CNTNAP2: variants seen among roughly 807,000 people sequenced by gnomAD.
The protein encoded by CNTNAP2 is contactin-associated protein-like 2.
In CNTNAP2, 98 loss-of-function variants were observed where a neutral mutation model predicts 155.2. That is an observed-to-expected ratio of 0.63 (90% CI 0.54 to 0.75). The LOEUF is 0.75. Ranked by LOEUF, CNTNAP2 falls within the 30% of genes least tolerant of loss-of-function variation. The pLI is 0.00. For synonymous variants in CNTNAP2, 651 were observed against 631.2 expected (o/e 1.03, Z -0.47); for missense variants, 1,727 against 1,688.1 (o/e 1.02, Z -0.40).
At chr7:146,721,575 A>T (rs1020493241) in intron 1 of CNTNAP2, among the ~76,000 whole-genome samples, 2 of 111,374 alleles carry the variant, frequency 1.8e-5, no homozygotes, top group Admixed American at 9.4e-5. Context: ...TATATATTCT[A>T]TATACATTCT....
In CNTNAP2 at chr7:146,486,812, G is replaced by T. The variant is rs1797065498; in HGVS notation, c.98-287459G>T. On this transcript the variant is annotated intron_variant, in intron 1 of 23. Transcript: ENST00000361727. ...TGCCTCAAGCCTGAAAGAATCGAAA[G>T]GTTCCTGTCTCATTTTTTCACATCT... 2.6e-5 allele frequency among the ~76,000 whole-genome samples: 4 copies of T among 152,124 alleles called. No homozygotes were observed. In the South Asian group the frequency reaches 8.3e-4, roughly 32 times the overall value.
chr7:146,393,221 G>A (rs1306394670), intron 1 of CNTNAP2, among the ~76,000 whole-genome samples: 1 of 152,140 alleles, frequency 6.6e-6, no homozygotes, highest in African/African-American at 2.4e-5. Context: ...TTCTACTGAA[G>A]TGTTTTTCCA....
At chr7:148,287,773 C>CTCTT (rs1797107843) in intron 21 of CNTNAP2, among the ~76,000 whole-genome samples, 3 of 146,912 alleles carry the variant, frequency 2.0e-5, no homozygotes, top group South Asian at 2.2e-4. Flanking sequence ...GTCTCTCTTC[C>CTCTT]TCTTTCTTTC....
intron 10 of CNTNAP2, among the ~76,000 whole-genome samples, chr7:147,431,637 G>A (rs1017902942): frequency 4.6e-5 from 7 of 152,084 alleles, no homozygotes; most frequent in African/African-American, 1.2e-4. Context: ...ACTAATGACC[G>A]CCATGTCTCT....
At chr7:146,667,003 A>AT (rs1308101607) in intron 1 of CNTNAP2, among the ~76,000 whole-genome samples, 1 of 151,802 alleles carries the variant, frequency 6.6e-6, no homozygotes, top group African/African-American at 2.4e-5. Flanking sequence ...CCATTTGTTT[A>AT]TTTTTGCTTT....
chr7:146,816,116 A>G (rs1214551245), intron 2 of CNTNAP2, among the ~76,000 whole-genome samples: 3 of 152,184 alleles, frequency 2.0e-5, no homozygotes, highest in African/African-American at 7.2e-5. Context: ...GCTGCATAGT[A>G]TTCCATGGTG....
At chr7:146,168,140 G>A (rs1195466163) in intron 1 of CNTNAP2, among the ~76,000 whole-genome samples, 1 of 152,088 alleles carries the variant, frequency 6.6e-6, no homozygotes, top group Non-Finnish European at 1.5e-5. Flanking sequence ...GATTGAGGGT[G>A]GGTCTGCCTA....
At chr7:147,316,647 T>C (rs777695090) in intron 9 of CNTNAP2, among the ~76,000 whole-genome samples, 12 of 152,280 alleles carry the variant, frequency 7.9e-5, no homozygotes, top group Non-Finnish European at 1.5e-4. Context: ...TTTTGATTCA[T>C]ATACTTTTGA....
At chr7:147,825,912 G>A (rs1262114977) in intron 13 of CNTNAP2, among the ~76,000 whole-genome samples, 1 of 152,134 alleles carries the variant, frequency 6.6e-6, no homozygotes, top group Middle Eastern at 3.2e-3. Flanking sequence ...ATAAGAAAAA[G>A]GGCAAAGTTT....
chr7:146,300,333 A>G (rs796518327), intron 1 of CNTNAP2, among the ~76,000 whole-genome samples: 42 of 151,572 alleles, frequency 2.8e-4, no homozygotes, highest in African/African-American at 9.4e-4. Context: ...AATATTGCAC[A>G]CTTTTTATGT....
intron 20 of CNTNAP2, among the ~76,000 whole-genome samples, chr7:148,245,858 C>A (rs1796252901): frequency 6.6e-6 from 1 of 152,116 alleles, no homozygotes; most frequent in Non-Finnish European, 1.5e-5. Flanking sequence ...AGCGAATGTC[C>A]ATCATCTCCC....
intron 12 of CNTNAP2, chr7:147,638,775 A>C (rs1795224270): frequency 4.5e-6 from 2 of 441,168 alleles, no homozygotes; most frequent in Middle Eastern, 3.4e-4. Context: ...AGTCAGCAAG[A>C]AGTTGGGACA....
At chr7:148,364,891 A>G (rs1223199536) in intron 21 of CNTNAP2, among the ~76,000 whole-genome samples, 1 of 152,180 alleles carries the variant, frequency 6.6e-6, no homozygotes. Flanking sequence ...CTTTGGGTCC[A>G]CGCTGCTTTT....
At chr7:146,835,920 G>T (rs1803607601) in intron 2 of CNTNAP2, among the ~76,000 whole-genome samples, 2 of 152,266 alleles carry the variant, frequency 1.3e-5, no homozygotes, top group East Asian at 3.9e-4. Context: ...GTTGGGGCAG[G>T]GTACTGGCTT....
At chr7:146,933,335 G>C (rs553327387) in intron 3 of CNTNAP2, among the ~76,000 whole-genome samples, 2 of 151,982 alleles carry the variant, frequency 1.3e-5, no homozygotes, top group Admixed American at 1.3e-4. Flanking sequence ...CAGGCAATGG[G>C]GAAAGGATTC....
chr7:147,382,656 T>C (rs922990495), intron 9 of CNTNAP2, among the ~76,000 whole-genome samples: 10 of 152,010 alleles, frequency 6.6e-5, no homozygotes, highest in African/African-American at 1.9e-4. Context: ...CATCCTCCCA[T>C]AGTTGGTAGT....
intron 1 of CNTNAP2, among the ~76,000 whole-genome samples, chr7:146,399,288 G>A (rs1329986188): frequency 6.6e-6 from 1 of 152,084 alleles, no homozygotes; most frequent in African/African-American, 2.4e-5. Context: ...TTGTCTAACT[G>A]AAATTTTGTA....
intron 21 of CNTNAP2, among the ~76,000 whole-genome samples, chr7:148,366,284 A>G (rs992215391): frequency 6.7e-6 from 1 of 149,250 alleles, no homozygotes; most frequent in African/African-American, 2.5e-5. Context: ...GTATATATGT[A>G]TGTGTACATG....
At position 146,959,707 on chromosome 7, in the gene CNTNAP2, G is replaced by A. The variant is rs375450479; in HGVS notation, c.403-84200G>A. ...TGCACTCCAGCCTGGGCATCACAGC[G>A]AGTCTCAAAAAAAAAAAAAAAAAAA... On this transcript the variant is annotated intron_variant, in intron 3 of 23. Coordinates refer to ENST00000361727, the MANE Select transcript of CNTNAP2 (RefSeq NM_014141.6). Among the ~76,000 whole-genome samples the A allele has an allele frequency of 1.2e-4, 15 of 124,728 alleles. 1 individual carries two copies. The highest frequency in any genetic ancestry group is 2.4e-4 in the African/African-American group (7 of 29,044). 81.8% of individuals were successfully genotyped at this position (124,728 alleles called of 152,430 possible).
Sources: allele counts gnomAD v4.1 joint callset (sites outside exome capture counted in the v4.1 genomes callset), GRCh38; gene constraint gnomAD v4.1.1; transcripts MANE v1.5; gene names NCBI Gene and HGNC (gene_info 2026-07-23, HGNC 2026-07-21).